The following CHRNB3 variants were observed in gnomAD, a reference collection of about 807,000 sequenced individuals.
CHRNB3 encodes the protein cholinergic receptor nicotinic beta 3 subunit.
A neutral mutation model predicts 40.6 loss-of-function variants in CHRNB3; 37 were observed. The observed-to-expected ratio is 0.91, with a 90% CI of 0.70 to 1.20. The LOEUF is 1.20. Among genes scored for constraint, CHRNB3 ranks in the 50% most tolerant of loss-of-function variants. The pLI is 0.00. For synonymous variants in CHRNB3, 207 were observed against 207.1 expected (o/e 1.00, Z 0.00); for missense variants, 505 against 551.2 (o/e 0.92, Z 0.84).
chr8:42,718,672 CAAAAAAAAAAA>C (rs59911208), intron 3 of CHRNB3, among the ~76,000 whole-genome samples: 5 of 82,744 alleles, frequency 6.0e-5, no homozygotes, highest in Non-Finnish European at 4.7e-5. Flanking sequence ...GACTCTGTCT[CAAAAAAAAAAA>C]AAAAAAAAAA....
intron 3 of CHRNB3, among the ~76,000 whole-genome samples, chr8:42,714,223 T>C (rs530109657): frequency 2.4e-4 from 37 of 152,156 alleles, no homozygotes; most frequent in African/African-American, 8.7e-4. Flanking sequence ...TGGCCGGGCG[T>C]GGTGGCTCAC....
chr8:42,703,435 A>AAATATATATATATATATATATATAT, intron 1 of CHRNB3, among the ~76,000 whole-genome samples: 2 of 47,408 alleles, frequency 4.2e-5, no homozygotes, highest in Non-Finnish European at 9.3e-5. Flanking sequence ...AAAAAAAAAA[A>AAATATATATATATATATATATATAT]ATATTTATAT....
Position 42,732,066 on chromosome 8 carries a change from T to C in CHRNB3, c.759T>C (p.Leu253=), listed in dbSNP as rs758397254. 6.2e-7 allele frequency: 1 copy of C among 1,614,126 alleles called. No homozygotes were observed. Among genetic ancestry groups the C allele is most frequent in the Non-Finnish European group, 8.5e-7 (1 of 1,180,040 alleles). ...TGGGGCTGTCTTTCCTAACAGTTCTTGTGTTCTATTTACCTTCGGATGAAG... is the reference window on the plus strand; with the variant it reads ...TGGGGCTGTCTTTCCTAACAGTTCTCGTGTTCTATTTACCTTCGGATGAAG... ...PCLGLSFLTV[L]VFYLPSDEGE... is the part of the protein sequence containing the mutation. Residue 253 remains leucine, a synonymous_variant, in exon 5 of 6, where the codon CTT becomes CTC. Transcript: ENST00000289957.
chr8:42,712,460 G>T (rs752045983), intron 3 of CHRNB3, among the ~76,000 whole-genome samples: 4 of 152,138 alleles, frequency 2.6e-5, no homozygotes, highest in Non-Finnish European at 5.9e-5. Flanking sequence ...AACAACTTTA[G>T]TGAGATTTAG....
chr8:42,712,054 G>C (rs776158920), intron 3 of CHRNB3, among the ~76,000 whole-genome samples: 3 of 151,680 alleles, frequency 2.0e-5, no homozygotes, highest in Admixed American at 1.3e-4. Context: ...GTGCAATGGC[G>C]CAATCTCGGC....
intron 1 of CHRNB3, among the ~76,000 whole-genome samples, chr8:42,703,435 A>AAAAAAAAATAAATATATATATAT: frequency 2.1e-5 from 1 of 47,400 alleles, no homozygotes; most frequent in Non-Finnish European, 4.6e-5. Context: ...AAAAAAAAAA[A>AAAAAAAAATAAATATATATATAT]ATATTTATAT....
intron 3 of CHRNB3, among the ~76,000 whole-genome samples, chr8:42,717,235 G>A (rs1026503069): frequency 2.1e-5 from 3 of 140,514 alleles, no homozygotes; most frequent in African/African-American, 5.4e-5. Flanking sequence ...TTAGCCGGGC[G>A]TAGTGGCGGG....
intron 3 of CHRNB3, among the ~76,000 whole-genome samples, chr8:42,712,700 G>A (rs1290004821): frequency 1.3e-5 from 2 of 152,104 alleles, no homozygotes; most frequent in African/African-American, 4.8e-5. Flanking sequence ...GAAGTATTTT[G>A]AGTTGATAAA....
chr8:42,731,528 C>T (rs1216816729), intron 4 of CHRNB3, 139 bp from the exon 5 acceptor site: 3 of 967,222 alleles, frequency 3.1e-6, no homozygotes, highest in Non-Finnish European at 4.4e-6. Context: ...GCACTCCAGC[C>T]CGGGCGATAG....
intron 5 of CHRNB3, among the ~76,000 whole-genome samples, chr8:42,734,986 C>A (rs142260286): frequency 6.6e-6 from 1 of 151,734 alleles, no homozygotes; most frequent in Non-Finnish European, 1.5e-5. Flanking sequence ...TTTGGGAGGC[C>A]GAGGCGGGCG....
At chr8:42,705,398 G>A (rs1348771686) in intron 1 of CHRNB3, among the ~76,000 whole-genome samples, 1 of 152,244 alleles carries the variant, frequency 6.6e-6, no homozygotes, top group Non-Finnish European at 1.5e-5. Context: ...ACGCAGTAGT[G>A]TTGGGAGGTG....
At chr8:42,715,938 G>T (rs1235247940) in intron 3 of CHRNB3, among the ~76,000 whole-genome samples, 1 of 150,848 alleles carries the variant, frequency 6.6e-6, no homozygotes. Flanking sequence ...TTAGGAAAAC[G>T]TGGAAAGCAC....
intron 1 of CHRNB3, among the ~76,000 whole-genome samples, chr8:42,699,882 C>CTT (rs576300946): frequency 7.9e-4 from 93 of 117,560 alleles, no homozygotes; most frequent in Admixed American, 2.2e-3. Flanking sequence ...TTGTGGTATG[C>CTT]TTTTTTTTTT....
chr8:42,704,909 T>A (rs944327651), intron 1 of CHRNB3, among the ~76,000 whole-genome samples: 1 of 152,188 alleles, frequency 6.6e-6, no homozygotes, highest in Non-Finnish European at 1.5e-5. Context: ...GTGGCTACAG[T>A]GGCTTAACCA....
intron 3 of CHRNB3, among the ~76,000 whole-genome samples, chr8:42,716,326 G>A (rs1816104330): frequency 6.6e-6 from 1 of 152,046 alleles, no homozygotes; most frequent in Admixed American, 6.6e-5. Context: ...TTGCCTAGAT[G>A]TTACAATAGA....
rs1263650316 is a variant in CHRNB3 at position 42,731,669 on chromosome 8, C to T, written c.362C>T (p.Ala121Val). Residue 121 changes from alanine to valine, a missense_variant and splice_region_variant, in exon 5 of 6, where the codon GCT becomes GTT. Transcript: ENST00000289957. ...WLPDIVLFEN[A>V]DGRFEGSLMT... Reference sequence around the variant, plus strand: ...AGGTGAAACTGCTTTGATTGCAGTGCTGACGGCCGCTTCGAAGGCTCCCTG... The same window carrying T: ...AGGTGAAACTGCTTTGATTGCAGTGTTGACGGCCGCTTCGAAGGCTCCCTG... The T allele has an allele frequency of 3.7e-6, 6 of 1,601,818 alleles. No individual in the cohort carries two copies. The African/African-American group carries it at 4.0e-5, about 11-fold the overall frequency.
At chr8:42,700,675 C>G (rs559094090) in intron 1 of CHRNB3, among the ~76,000 whole-genome samples, 2 of 152,118 alleles carry the variant, frequency 1.3e-5, no homozygotes, top group African/African-American at 4.8e-5. Flanking sequence ...ATCAGTAAAA[C>G]CATAAATAAT....
intron 3 of CHRNB3, chr8:42,725,719 G>T: frequency 1.1e-6 from 1 of 928,716 alleles, no homozygotes; most frequent in Non-Finnish European, 1.8e-6. Flanking sequence ...CTCAATCACT[G>T]TGTTGTCTGT....
intron 1 of CHRNB3, among the ~76,000 whole-genome samples, chr8:42,701,327 G>A (rs746090953): frequency 2.6e-5 from 4 of 151,712 alleles, no homozygotes; most frequent in African/African-American, 4.8e-5. Context: ...GATTACTTGA[G>A]CCCAGGAGCT....
Sources: gnomAD v4.1 joint callset for allele counts (sites outside exome capture counted in the v4.1 genomes callset) on GRCh38, gnomAD v4.1.1 for gene constraint, MANE v1.5 for transcripts, NCBI Gene and HGNC (gene_info 2026-07-23, HGNC 2026-07-21) for gene names.